Variants in CACNB4 observed in about 807,000 individuals in gnomAD.
CACNB4 encodes voltage-dependent L-type calcium channel subunit beta-4.
In CACNB4, 32 loss-of-function variants were observed where a neutral mutation model predicts 71.2. The ratio of observed to expected loss-of-function variants is 0.45; its 90% CI spans 0.34 to 0.60. The LOEUF is 0.60. Among genes scored for constraint, CACNB4 ranks in the 20% least tolerant of loss-of-function variants. The pLI is 0.01. For missense variants in CACNB4, 464 were observed against 647.9 expected (o/e 0.72, Z 3.08); for synonymous variants, 231 against 236.9 (o/e 0.97, Z 0.23).
In CACNB4 at chr2:152,039,081, A is replaced by T. The variant is rs200240149; in HGVS notation, c.147+59249T>A. On this transcript the variant is annotated intron_variant, in intron 2 of 13. Transcript: ENST00000539935. The stretch of plus-strand genomic sequence containing the variant: ...TATAAGCAAACATTTCCTTGTATTT[A>T]AAAAAAAGCAAGAAACATAGTTTTC... Among the ~76,000 whole-genome samples, 26 of 152,138 alleles carry T rather than the reference A, an allele frequency of 1.7e-4. No individual in the cohort carries two copies. The East Asian group carries it at 4.6e-3, about 27-fold the overall frequency.
At chr2:152,085,813 TA>T (rs765391237) in intron 2 of CACNB4, among the ~76,000 whole-genome samples, 309 of 113,800 alleles carry the variant, frequency 2.7e-3, no homozygotes, top group African/African-American at 3.9e-3. Context: ...CTGCAGCCAT[TA>T]AAAAAAAAAA....
At chr2:151,971,504 C>G in intron 2 of CACNB4, 1 of 702,828 alleles carries the variant, frequency 1.4e-6, no homozygotes, top group South Asian at 1.5e-5. Context: ...CAGACCTGTT[C>G]CGAGAGCTCT....
intron 12 of CACNB4, 124 bp from the exon 13 acceptor site, chr2:151,842,212 C>T: frequency 1.4e-6 from 1 of 712,652 alleles, no homozygotes; most frequent in South Asian, 1.7e-5. Context: ...ATTTGAGGTG[C>T]TATATGGGCA....
rs1322433033 is a variant in CACNB4, at chr2:151,860,776, C to T, written c.803G>A (p.Arg268Lys). ...RVTADISLAKRSVLNNPSKRA... is the reference protein window; with the variant it reads ...RVTADISLAKKSVLNNPSKRA... Reference sequence around the variant, plus strand: ...CTTGCTGGGATTATTTAGGACAGACCTCTTAGCAAGAGAAATGTCAGCTGT... The same window carrying T: ...CTTGCTGGGATTATTTAGGACAGACTTCTTAGCAAGAGAAATGTCAGCTGT... The change falls in exon 10 of 14, where the codon AGG becomes AAG. Residue 268 changes from arginine (R) to lysine (K), a missense_variant. Arg to Lys is a conservative substitution (Grantham distance 26, BLOSUM62 2). This residue lies in a region of CACNB4 where 299 missense variants were observed against 471.7 expected (regional missense o/e 0.63). Coordinates refer to ENST00000539935, the MANE Select transcript of CACNB4 (RefSeq NM_000726.5). The T allele has an allele frequency of 1.2e-6, 2 of 1,613,692 alleles. No homozygotes were observed. The highest frequency in any genetic ancestry group is 1.7e-6 in the Non-Finnish European group (2 of 1,179,664).
At chr2:151,866,676 T>C (rs1213637218) in intron 9 of CACNB4, 3 of 152,262 alleles carry the variant, frequency 2.0e-5, no homozygotes, top group Admixed American at 2.0e-4. Flanking sequence ...TTATTGTTCA[T>C]TCTGCTGCCT....
At chr2:152,073,494 A>C (rs1160632223) in intron 2 of CACNB4, among the ~76,000 whole-genome samples, 1 of 152,154 alleles carries the variant, frequency 6.6e-6, no homozygotes. Context: ...CCACCCCCAG[A>C]TTCTAGTGCC....
chr2:151,915,711 G>A (rs2099857306), intron 2 of CACNB4, among the ~76,000 whole-genome samples: 1 of 152,192 alleles, frequency 6.6e-6, no homozygotes, highest in South Asian at 2.1e-4. Context: ...GCTGGGCATG[G>A]TGGCAGGTGC....
intron 2 of CACNB4, among the ~76,000 whole-genome samples, chr2:151,891,993 T>A (rs1206050991): frequency 1.3e-5 from 2 of 152,144 alleles, no homozygotes; most frequent in African/African-American, 4.8e-5. Flanking sequence ...TTGGCAGCAT[T>A]AGACCCGGCA....
intron 2 of CACNB4, among the ~76,000 whole-genome samples, chr2:152,046,152 TA>T: frequency 6.6e-6 from 1 of 152,356 alleles, no homozygotes; most frequent in Non-Finnish European, 1.5e-5. Flanking sequence ...GCAATTATTT[TA>T]CCTGGAAACT....
chr2:152,081,546 T>C (rs1687355288), intron 2 of CACNB4, among the ~76,000 whole-genome samples: 1 of 152,082 alleles, frequency 6.6e-6, no homozygotes, highest in South Asian at 2.1e-4. Context: ...AGGGCCCTTT[T>C]CCTGGCTTGC....
chr2:151,845,971 A>G (rs987895739), intron 12 of CACNB4, among the ~76,000 whole-genome samples: 20 of 152,244 alleles, frequency 1.3e-4, no homozygotes, highest in African/African-American at 4.8e-4. Context: ...CCTCTAGCTC[A>G]TTTAGTGGGT....
At chr2:151,918,577 C>T (rs2099858137) in intron 2 of CACNB4, among the ~76,000 whole-genome samples, 1 of 152,216 alleles carries the variant, frequency 6.6e-6, no homozygotes, top group Admixed American at 6.5e-5. Context: ...TACACAAGCA[C>T]ATAGATGCTC....
intron 9 of CACNB4, chr2:151,865,704 T>C (rs1293175811): frequency 6.6e-6 from 1 of 152,216 alleles, no homozygotes; most frequent in Non-Finnish European, 1.5e-5. Flanking sequence ...CAGGAATCAT[T>C]GCTTCATGTA....
intron 12 of CACNB4, among the ~76,000 whole-genome samples, chr2:151,846,281 G>A (rs1181825489): frequency 1.3e-5 from 2 of 152,162 alleles, no homozygotes; most frequent in East Asian, 1.9e-4. Context: ...AGTGCTCTCC[G>A]GGTCCTACCT....
At chr2:151,883,016 G>T in intron 3 of CACNB4, 1 of 499,844 alleles carries the variant, frequency 2.0e-6, no homozygotes, top group Non-Finnish European at 3.6e-6. Context: ...GTTGGAAGAC[G>T]ACCAATAATT....
chr2:151,842,088 C>T lies in CACNB4; in HGVS notation c.1117G>A (p.Glu373Lys), dbSNP rs1374921337. The change falls in exon 13 of 14, where the codon GAA (glutamate) becomes AAA (lysine). Residue 373 changes from glutamate to lysine, a missense_variant and splice_region_variant. Transcript: ENST00000539935. ...AADKLAQCPP[E>K]MFDVILDENQ... is the part of the protein sequence containing the mutation. ...TCATCCAATATAACATCAAACATTT[C>T]CTGTAGATGACAAGAAAATCCACTT... 1 of 1,613,190 alleles carries T rather than the reference C, an allele frequency of 6.2e-7. No homozygotes were observed. The highest frequency in any genetic ancestry group is 8.5e-7 in the Non-Finnish European group (1 of 1,179,406).
chr2:151,912,190 ATTTC>A (rs2099856342), intron 2 of CACNB4, among the ~76,000 whole-genome samples: 1 of 151,906 alleles, frequency 6.6e-6, no homozygotes, highest in Non-Finnish European at 1.5e-5. Context: ...GATCTTAGTT[ATTTC>A]TTGTCTTCTA....
intron 2 of CACNB4, among the ~76,000 whole-genome samples, chr2:151,935,076 G>A (rs1278973366): frequency 2.0e-5 from 3 of 152,202 alleles, no homozygotes; most frequent in African/African-American, 7.2e-5. Context: ...AACATCACAA[G>A]TGAGTGAAAA....
At chr2:151,909,645 A>C (rs139627840) in intron 2 of CACNB4, among the ~76,000 whole-genome samples, 10 of 151,092 alleles carry the variant, frequency 6.6e-5, no homozygotes, top group African/African-American at 2.4e-4. Flanking sequence ...TCAATGTTCA[A>C]CTCCCACTTG....
Sources: allele counts gnomAD v4.1 joint callset (sites outside exome capture counted in the v4.1 genomes callset), GRCh38; gene constraint gnomAD v4.1.1; regional missense constraint gnomAD v4.1.1; transcripts MANE v1.5; gene names NCBI Gene and HGNC (gene_info 2026-07-23, HGNC 2026-07-21).